Variants in MUSK observed in about 807,000 individuals in gnomAD.
The protein encoded by MUSK is muscle associated receptor tyrosine kinase.
A neutral mutation model predicts 88.7 loss-of-function variants in MUSK; 55 were observed. The ratio of observed to expected loss-of-function variants is 0.62; its 90% CI spans 0.50 to 0.78. MUSK has a LOEUF of 0.78. Among genes scored for constraint, MUSK ranks in the 30% least tolerant of loss-of-function variants. The pLI is 0.00. For missense variants in MUSK, 1,015 were observed against 1,074.3 expected, an observed-to-expected ratio of 0.94 and a Z score of 0.77; for synonymous variants, 387 against 391.9, an observed-to-expected ratio of 0.99 and a Z score of 0.15.
At chr9:110,708,910 G>GACCTGAGTATA (rs1800937031) in intron 5 of MUSK, among the ~76,000 whole-genome samples, 1 of 152,054 alleles carries the variant, frequency 6.6e-6, no homozygotes, top group Non-Finnish European at 1.5e-5. Flanking sequence ...AAAAGTTATC[G>GACCTGAGTATA]TGACCTGAAA....
At chr9:110,784,241 T>C (rs1458088646) in intron 11 of MUSK, among the ~76,000 whole-genome samples, 1 of 152,200 alleles carries the variant, frequency 6.6e-6, no homozygotes, top group Non-Finnish European at 1.5e-5. Context: ...ACTCTACAAA[T>C]AGTGGTATGA....
chr9:110,777,150 A>C (rs1480219737), intron 11 of MUSK, among the ~76,000 whole-genome samples: 1 of 152,102 alleles, frequency 6.6e-6, no homozygotes, highest in Non-Finnish European at 1.5e-5. Context: ...TGGCTTTAAA[A>C]AGGTCATCAC....
intron 2 of MUSK, among the ~76,000 whole-genome samples, chr9:110,684,253 T>G (rs1231988605): frequency 1.3e-5 from 2 of 152,118 alleles, no homozygotes; most frequent in Non-Finnish European, 2.9e-5. Flanking sequence ...TTTCCCAGTG[T>G]ATGTTCTTGG....
chr9:110,801,017 A>C lies in MUSK; in HGVS notation c.*29A>C, dbSNP rs369521008. ...TGAAGACGTTCAAATAAAATGCTGC[A>C]GTTTCCTCTCAGACTCTGTGAGCCA... On this transcript the variant is annotated 3_prime_UTR_variant, in exon 15 of 15. Coordinates refer to ENST00000374448, the MANE Select transcript of MUSK (RefSeq NM_005592.4). The C allele has an allele frequency of 6.7e-6, 10 of 1,486,836 alleles. No individual in the cohort carries two copies. The highest frequency in any genetic ancestry group is 8.9e-6 in the Non-Finnish European group (10 of 1,123,384). The allele number at this position is 1,486,836 out of a possible 1,614,324, so 92.1% of individuals were successfully genotyped here. A position where few individuals can be genotyped will look rare whatever the true frequency, so the allele number is the denominator to read the frequency against.
At chr9:110,680,530 T>C (rs3001142) in intron 1 of MUSK, among the ~76,000 whole-genome samples, 97,015 of 151,288 alleles carry the variant, frequency 0.64, 31,687 homozygotes, top group African/African-American at 0.68. Context: ...ACTACAGGTG[T>C]GCACCACCAT....
At chr9:110,728,675 T>C in intron 5 of MUSK, 1 of 1,559,680 alleles carries the variant, frequency 6.4e-7, no homozygotes, top group Non-Finnish European at 8.7e-7. Context: ...TTTTGTCTTG[T>C]TTTTATTAAC....
intron 2 of MUSK, among the ~76,000 whole-genome samples, chr9:110,683,235 G>C (rs954620200): frequency 6.6e-6 from 1 of 152,090 alleles, no homozygotes; most frequent in Admixed American, 6.6e-5. Context: ...TGCAATGTTT[G>C]TCTTTCTGTG....
At position 110,747,263 on chromosome 9, in the gene MUSK, G is replaced by A. The variant is rs75347688; in HGVS notation, c.754-378G>A. Among the ~76,000 whole-genome samples, 388 of 152,310 alleles carry A rather than the reference G, an allele frequency of 2.5e-3. 1 individual carries two copies. The highest frequency in any genetic ancestry group is 9.0e-3 in the African/African-American group (375 of 41,560). ...GATGGTTGTTGTTGGTTCCCACCTG[G>A]GGCAGAGGGGATAAACGGGCCAGGT... is the stretch of plus-strand genomic sequence containing the variant. On this transcript the variant is annotated intron_variant, in intron 6 of 14. Coordinates refer to ENST00000374448, the MANE Select transcript of MUSK (RefSeq NM_005592.4).
intron 7 of MUSK, among the ~76,000 whole-genome samples, chr9:110,752,675 C>T (rs12000063): frequency 0.018 from 2,807 of 152,238 alleles, 85 homozygotes; most frequent in African/African-American, 0.064. Flanking sequence ...TTGCTCTTCC[C>T]AGCAGGAAAA....
Position 110,702,909 on chromosome 9 carries a change from A to T in MUSK, c.628+5443A>T, listed in dbSNP as rs182289853. Among the ~76,000 whole-genome samples, 286 of 149,602 alleles carry T rather than the reference A, an allele frequency of 1.9e-3. 3 individuals carry two copies. The East Asian group carries it at 0.022, about 12-fold the overall frequency. ...CCCTGTCTCAAAATAAAAAAATAAT[A>T]ATAAAAAACCTACATACACATAAAA... is the stretch of plus-strand genomic sequence containing the variant. On this transcript the variant is annotated intron_variant, in intron 5 of 14. Coordinates refer to ENST00000374448, the MANE Select transcript of MUSK (RefSeq NM_005592.4).
intron 5 of MUSK, among the ~76,000 whole-genome samples, chr9:110,716,759 T>C (rs1477159993): frequency 6.7e-6 from 1 of 150,230 alleles, no homozygotes; most frequent in East Asian, 1.9e-4. Flanking sequence ...ATATCTTCTC[T>C]TAATTCTATA....
chr9:110,706,184 A>G (rs769482716), intron 5 of MUSK: 2 of 469,638 alleles, frequency 4.3e-6, no homozygotes, highest in African/African-American at 2.0e-5. Context: ...ACAAAAATAA[A>G]TCAACCATAT....
At chr9:110,717,251 C>T (rs1388697066) in intron 5 of MUSK, among the ~76,000 whole-genome samples, 1 of 149,292 alleles carries the variant, frequency 6.7e-6, no homozygotes, top group Non-Finnish European at 1.5e-5. Context: ...TTAACCCACA[C>T]CACAACCACT....
intron 9 of MUSK, among the ~76,000 whole-genome samples, chr9:110,769,297 T>C (rs1265216591): frequency 6.6e-6 from 1 of 152,180 alleles, no homozygotes; most frequent in Non-Finnish European, 1.5e-5. Flanking sequence ...GGTCATTAAA[T>C]TAGAGTTTTG....
chr9:110,723,335 T>A (rs1017235835), intron 5 of MUSK, among the ~76,000 whole-genome samples: 1 of 151,636 alleles, frequency 6.6e-6, no homozygotes, highest in Non-Finnish European at 1.5e-5. Context: ...CTGGTTGGAA[T>A]TGGAGATCAT....
intron 3 of MUSK, among the ~76,000 whole-genome samples, chr9:110,692,647 G>A (rs944631838): frequency 5.9e-5 from 9 of 151,336 alleles, no homozygotes; most frequent in African/African-American, 2.2e-4. Context: ...TTATGAATGT[G>A]GTCTCCAGTA....
intron 5 of MUSK, among the ~76,000 whole-genome samples, chr9:110,697,679 T>C (rs762720455): frequency 6.6e-5 from 10 of 152,180 alleles, no homozygotes; most frequent in Admixed American, 1.3e-4. Flanking sequence ...CATATTCCAT[T>C]GATTACTCAC....
intron 7 of MUSK, among the ~76,000 whole-genome samples, chr9:110,758,628 G>A (rs2077358985): frequency 6.6e-6 from 1 of 152,134 alleles, no homozygotes; most frequent in Admixed American, 6.5e-5. Context: ...GGAACTCAAA[G>A]TATCCCTGTT....
chr9:110,772,204 G>A (rs2077586423), intron 9 of MUSK, among the ~76,000 whole-genome samples: 1 of 151,216 alleles, frequency 6.6e-6, no homozygotes, highest in Admixed American at 6.6e-5. Flanking sequence ...TTATCTTCAT[G>A]TGCTAGCACA....
Sources: gnomAD v4.1 joint callset for allele counts (sites outside exome capture counted in the v4.1 genomes callset) on GRCh38, gnomAD v4.1.1 for gene constraint, MANE v1.5 for transcripts, NCBI Gene and HGNC (gene_info 2026-07-23, HGNC 2026-07-21) for gene names.